Variants in ADGRE3 observed in about 807,000 individuals in gnomAD.
ADGRE3 encodes EGF-like module receptor 3.
A neutral mutation model predicts 80.1 loss-of-function variants in ADGRE3; 88 were observed. The ratio of observed to expected loss-of-function variants is 1.10; its 90% CI spans 0.93 to 1.31. ADGRE3 has a LOEUF of 1.31. ADGRE3 is among the 40% of genes most tolerant of loss of function. The probability of loss-of-function intolerance (pLI) is 0.00; values close to 1 mark genes in which losing one functional copy is unlikely to be tolerated. For missense variants in ADGRE3, 715 were observed against 776.5 expected (o/e 0.92, Z 0.94); for synonymous variants, 281 against 294.8 (o/e 0.95, Z 0.48).
intron 7 of ADGRE3, among the ~76,000 whole-genome samples, chr19:14,648,775 C>G (rs1009073463): frequency 6.6e-6 from 1 of 152,120 alleles, no homozygotes; most frequent in African/African-American, 2.4e-5. Context: ...TAGTTCTGGC[C>G]TCAGACTCTC....
At chr19:14,616,260 G>A (rs185821594), downstream of ADGRE3, among the ~76,000 whole-genome samples, 125 of 152,112 alleles carry the variant, frequency 8.2e-4, no homozygotes, top group African/African-American at 2.8e-3. Flanking sequence ...GTGAGCCACC[G>A]TGCCCAGCCC....
intron 9 of ADGRE3, 101 bp downstream of exon 9, chr19:14,644,007 G>A (rs547749898): frequency 7.5e-5 from 55 of 734,572 alleles, no homozygotes; most frequent in East Asian, 1.7e-4. Flanking sequence ...CACCATGCTC[G>A]GCCTTTTTTC....
chr19:14,600,453 A>G, the ADGRE3 span, among the ~76,000 whole-genome samples: 1 of 152,220 alleles, frequency 6.6e-6, no homozygotes, highest in East Asian at 1.9e-4. Context: ...AATAATTAAT[A>G]TCTGTTAGGT....
chr19:14,651,332 T>C, intron 6 of ADGRE3, 128 bp from the exon 7 acceptor site: 2 of 1,042,580 alleles, frequency 1.9e-6, no homozygotes, highest in East Asian at 2.4e-5. Context: ...GAAGGATTGC[T>C]TGGGCCCAGG....
chr19:14,608,135 G>A, the ADGRE3 span, among the ~76,000 whole-genome samples: 46 of 152,266 alleles, frequency 3.0e-4, no homozygotes, highest in African/African-American at 1.1e-3. Flanking sequence ...GCCTCCCAAA[G>A]TGCTGGGATG....
At chr19:14,628,772 C>T (rs946179347) in intron 14 of ADGRE3, 17 of 297,714 alleles carry the variant, frequency 5.7e-5, no homozygotes, top group African/African-American at 3.6e-4. Flanking sequence ...CTGTGTGATC[C>T]TGGAATGTGA....
chr19:14,651,193 G>C lies in ADGRE3; in HGVS notation c.589C>G (p.Gln197Glu). The change falls in exon 7 of 16, where the codon CAA becomes GAA. Residue 197 changes from glutamine (Q) to glutamate (E), a missense_variant. Gln to Glu is a conservative substitution (Grantham distance 29). Coordinates refer to ENST00000253673, the MANE Select transcript of ADGRE3 (RefSeq NM_032571.5). Reference protein sequence around the residue: ...IQNDSVAIETQAITDNCSEER... With the variant: ...IQNDSVAIETEAITDNCSEER... ...TCAGAGCAATTGTCTGTAATCGCTT[G>C]AGTTTCAATAGCTGGTAAGAAAAGC... is the stretch of plus-strand genomic sequence containing the variant. 1 of 1,614,064 alleles carries C rather than the reference G, an allele frequency of 6.2e-7. No individual in the cohort carries two copies. The highest frequency in any genetic ancestry group is 1.1e-5 in the South Asian group (1 of 91,078).
rs1196446477 is a variant in ADGRE3, at chr19:14,638,337, G to C, written c.1252C>G (p.Leu418Val). 1 of 1,613,228 alleles carries C rather than the reference G, an allele frequency of 6.2e-7. No homozygotes were observed. The change falls in exon 11 of 16, where the codon CTG becomes GTG. Residue 418 changes from leucine to valine, a missense_variant. Transcript: ENST00000253673. The part of the protein sequence containing the change: ...VGIDRTEPKV[L>V]CSIIAGALHY... ...AAAGCACCGGCGATGATGGAGCACA[G>C]CACCTGGGGGAGGAGAAAGGGATGC...
intron 7 of ADGRE3, among the ~76,000 whole-genome samples, chr19:14,650,489 C>A (rs1971562530): frequency 1.3e-5 from 2 of 150,972 alleles, no homozygotes; most frequent in South Asian, 4.2e-4. Context: ...TCTTTCTCTC[C>A]CCATCTCTCT....
intron 8 of ADGRE3, 124 bp downstream of exon 8, chr19:14,647,057 C>T (rs1453171365): frequency 1.5e-5 from 10 of 679,622 alleles, no homozygotes; most frequent in African/African-American, 7.1e-5. Flanking sequence ...TGCTCAATAG[C>T]GACAGGTGCT....
Position 14,658,567 on chromosome 19 carries a change from G to A in ADGRE3, c.356-17C>T. 1 of 1,546,632 alleles carries A rather than the reference G, an allele frequency of 6.5e-7. No individual in the cohort carries two copies. On this transcript the variant is annotated splice_polypyrimidine_tract_variant and intron_variant, in intron 4 of 15. Coordinates refer to ENST00000253673, the MANE Select transcript of ADGRE3 (RefSeq NM_032571.5). ...AGGTGGTGTCTGCAAAAGACATCAT[G>A]ATGGAGTTACTATTGGAACTGAGAG... is the stretch of plus-strand genomic sequence containing the variant.
chr19:14,606,210 G>A, the ADGRE3 span, among the ~76,000 whole-genome samples: 1 of 152,106 alleles, frequency 6.6e-6, no homozygotes, highest in South Asian at 2.1e-4. Flanking sequence ...TCACTTAAAT[G>A]TTATAATGCT....
chr19:14,608,383 T>C, the ADGRE3 span, among the ~76,000 whole-genome samples: 2 of 152,100 alleles, frequency 1.3e-5, no homozygotes, highest in East Asian at 3.9e-4. Context: ...CCACCCCCAG[T>C]CATTCCCATT....
At chr19:14,671,523 C>T (rs1972256725) in intron 1 of ADGRE3, among the ~76,000 whole-genome samples, 1 of 152,152 alleles carries the variant, frequency 6.6e-6, no homozygotes, top group South Asian at 2.1e-4. Context: ...TATTAAGATT[C>T]TTATCTTAAT....
intron 6 of ADGRE3, among the ~76,000 whole-genome samples, chr19:14,652,608 C>A (rs959510554): frequency 6.6e-6 from 1 of 151,524 alleles, no homozygotes; most frequent in African/African-American, 2.4e-5. Context: ...GGTGAAATCC[C>A]ATTCTACTAA....
chr19:14,620,489 A>G (rs1243731081), intron 15 of ADGRE3, among the ~76,000 whole-genome samples: 2 of 35,828 alleles, frequency 5.6e-5, no homozygotes, highest in Non-Finnish European at 5.7e-5. Flanking sequence ...ACATATGAAT[A>G]TATATGAATA....
At chr19:14,606,679 C>CAAA in the ADGRE3 span, among the ~76,000 whole-genome samples, 2 of 66,428 alleles carry the variant, frequency 3.0e-5, no homozygotes, top group Admixed American at 3.5e-4. Flanking sequence ...GACTCCCTCT[C>CAAA]AAAAAAAAAA....
chr19:14,605,380 G>A, the ADGRE3 span, among the ~76,000 whole-genome samples: 8 of 146,824 alleles, frequency 5.4e-5, no homozygotes, highest in South Asian at 2.6e-4. Context: ...ACAGGCATGA[G>A]CCACCGCGCC....
At chr19:14,608,628 ATTTTTTTTTTT>A in the ADGRE3 span, among the ~76,000 whole-genome samples, 2 of 119,748 alleles carry the variant, frequency 1.7e-5, no homozygotes, top group South Asian at 5.3e-4. Context: ...ATGAGGAAGA[ATTTTTTTTTTT>A]TTTTTTTTTT....
Sources: allele counts gnomAD v4.1 joint callset (sites outside exome capture counted in the v4.1 genomes callset), GRCh38; gene constraint gnomAD v4.1.1; transcripts MANE v1.5; gene names NCBI Gene and HGNC (gene_info 2026-07-23, HGNC 2026-07-21).